PTPRS: variants seen among roughly 807,000 people sequenced by gnomAD.
PTPRS encodes receptor-type tyrosine-protein phosphatase S.
Under a neutral mutation model 215.3 loss-of-function variants are expected in PTPRS, and 63 were observed. The observed-to-expected ratio is 0.29, with a 90% confidence interval of 0.24 to 0.36. PTPRS has a LOEUF of 0.36. Ranked by LOEUF, PTPRS falls within the 10% of genes least tolerant of loss-of-function variation. PTPRS has a pLI of 1.00. For synonymous variants in PTPRS, 1,404 were observed against 1,191.4 expected, an observed-to-expected ratio of 1.18 and a Z score of -3.68; for missense variants, 2,258 against 2,825.8, an observed-to-expected ratio of 0.80 and a Z score of 4.56.
intron 2 of PTPRS, among the ~76,000 whole-genome samples, chr19:5,280,852 C>T (rs1005504669): frequency 3.3e-5 from 5 of 151,436 alleles, no homozygotes; most frequent in African/African-American, 7.3e-5. Context: ...AATGCAGTGG[C>T]GTAATCTTGG....
chr19:5,292,121 C>T (rs1306422754), intron 1 of PTPRS, among the ~76,000 whole-genome samples: 1 of 152,184 alleles, frequency 6.6e-6, no homozygotes, highest in Non-Finnish European at 1.5e-5. Context: ...TGTGCTCCCA[C>T]TGTGGGTCTG....
At chr19:5,227,967 G>T (rs756104914) in intron 16 of PTPRS, among the ~76,000 whole-genome samples, 1 of 152,050 alleles carries the variant, frequency 6.6e-6, no homozygotes, top group Non-Finnish European at 1.5e-5. Flanking sequence ...GGCATGCCTG[G>T]GAACTGTGGG....
intron 1 of PTPRS, among the ~76,000 whole-genome samples, chr19:5,317,879 T>C (rs2049920490): frequency 6.6e-6 from 1 of 151,736 alleles, no homozygotes; most frequent in Admixed American, 6.6e-5. Flanking sequence ...CCATTAAAAA[T>C]ATGAAAATTA....
chr19:5,310,726 G>C (rs1043726182), intron 1 of PTPRS, among the ~76,000 whole-genome samples: 2 of 151,134 alleles, frequency 1.3e-5, no homozygotes, highest in Non-Finnish European at 2.9e-5. Context: ...TGTTTTTTGA[G>C]GCAGGGTCTC....
intron 1 of PTPRS, among the ~76,000 whole-genome samples, chr19:5,319,683 C>T (rs1482391538): frequency 1.3e-5 from 2 of 151,992 alleles, no homozygotes; most frequent in Non-Finnish European, 1.5e-5. Context: ...CACAGGCCTC[C>T]TCGCTGTTCC....
rs761189756 is a variant in PTPRS at position 5,222,084 on chromosome 19, CCCTG to C, written c.3201+35_3201+38del. On this transcript the variant is annotated intron_variant, in intron 19 of 37. Transcript: ENST00000262963. ...AGCCCTGCTGAACTACAACCCCTGA[CCCTG>C]CCTGCCTGCCTGCCTGCTGGCTGGG... The C allele has an allele frequency of 4.6e-4, 671 of 1,466,378 alleles. 1 individual carries two copies. The highest frequency in any genetic ancestry group is 1.3e-3 in the South Asian group (110 of 84,142). 90.8% of individuals were successfully genotyped at this position (1,466,378 alleles called of 1,614,324 possible). A position where few individuals can be genotyped will look rare whatever the true frequency, so the allele number is the denominator to read the frequency against.
intron 1 of PTPRS, among the ~76,000 whole-genome samples, chr19:5,305,684 C>T (rs1180353428): frequency 6.7e-6 from 1 of 149,258 alleles, no homozygotes; most frequent in Non-Finnish European, 1.5e-5. Context: ...AGTGATGATC[C>T]TGCCACTGCA....
chr19:5,228,510 T>A (rs995108262), intron 16 of PTPRS, among the ~76,000 whole-genome samples: 2 of 151,838 alleles, frequency 1.3e-5, no homozygotes, highest in Non-Finnish European at 2.9e-5. Context: ...CACACCAGGC[T>A]GTTTCGTATT....
chr19:5,239,046 G>A lies in PTPRS; in HGVS notation c.1722C>T (p.Asp574=). The A allele has an allele frequency of 1.2e-6, 2 of 1,613,364 alleles. No homozygotes were observed. The highest frequency in any genetic ancestry group is 1.1e-5 in the South Asian group (1 of 91,010). ...CCTCCACCACGTAGGAAGTCGTCGGGTCGAAGGTCCTTCCCACCTGGGGGC... is the reference window on the plus strand; with the variant it reads ...CCTCCACCACGTAGGAAGTCGTCGGATCGAAGGTCCTTCCCACCTGGGGGC... The part of the protein sequence containing the change: ...DHGREVGRTF[D]PTTSYVVEDL... The change falls in exon 13 of 38, where the codon GAC becomes GAT. Residue 574 remains aspartate (D), a synonymous_variant. Coordinates refer to ENST00000262963, the MANE Select transcript of PTPRS (RefSeq NM_002850.4).
chr19:5,272,637 A>AAAAAAAAAAAAAAAAAG (rs2047018885), intron 4 of PTPRS, among the ~76,000 whole-genome samples: 1 of 133,880 alleles, frequency 7.5e-6, no homozygotes, highest in Admixed American at 8.0e-5. Flanking sequence ...AAAAAAAAAA[A>AAAAAAAAAAAAAAAAAG]GAATTGCACC....
At chr19:5,325,729 C>T (rs556880390) in intron 1 of PTPRS, among the ~76,000 whole-genome samples, 1 of 152,248 alleles carries the variant, frequency 6.6e-6, no homozygotes, top group Non-Finnish European at 1.5e-5. Flanking sequence ...GCCGAGGACA[C>T]CGGCCAATTC....
chr19:5,330,488 T>TGTGG (rs1466458857), intron 1 of PTPRS, among the ~76,000 whole-genome samples: 1 of 152,190 alleles, frequency 6.6e-6, no homozygotes, highest in Admixed American at 6.5e-5. Flanking sequence ...GTTTGGAGAA[T>TGTGG]GTGGGTTTGA....
In PTPRS at chr19:5,210,611, G is replaced by A. The variant is rs2302224; in HGVS notation, c.5362-17C>T. ...ACACTTCTCCTGTGGAGGAGATGGC[G>A]GCCGTGGTCAGCGCTGTCTGAGCCA... On this transcript the variant is annotated splice_polypyrimidine_tract_variant and intron_variant, in intron 34 of 37. Transcript: ENST00000262963. This position sits in a 1 kb window ranked among gnomAD's most constrained non-coding sequence, Gnocchi z 4.5. The A allele has an allele frequency of 0.26, 416,239 of 1,613,776 alleles. 55,393 individuals carry two copies. The highest frequency in any genetic ancestry group is 0.35 in the Admixed American group (20,971 of 59,978).
chr19:5,278,563 G>A (rs1160598721), intron 2 of PTPRS, among the ~76,000 whole-genome samples: 3 of 152,038 alleles, frequency 2.0e-5, no homozygotes, highest in African/African-American at 4.8e-5. Context: ...TGCAACCTCC[G>A]CCTCCTGGGT....
intron 9 of PTPRS, among the ~76,000 whole-genome samples, chr19:5,251,753 G>A (rs2045105290): frequency 6.6e-6 from 1 of 152,088 alleles, no homozygotes; most frequent in Non-Finnish European, 1.5e-5. Flanking sequence ...CGCCCCTGGA[G>A]TCCCCTCTCC....
At chr19:5,267,952 G>A (rs749171206) in intron 4 of PTPRS, among the ~76,000 whole-genome samples, 2 of 151,896 alleles carry the variant, frequency 1.3e-5, no homozygotes, top group Non-Finnish European at 2.9e-5. Flanking sequence ...GGTGGATCAC[G>A]AGGTCAGGAG....
Position 5,214,391 on chromosome 19 carries a change from T to C in PTPRS, c.4584A>G (p.Thr1528=). The change falls in exon 30 of 38, where the codon ACA becomes ACG. Residue 1528 remains threonine (T), a synonymous_variant. Coordinates refer to ENST00000262963, the MANE Select transcript of PTPRS (RefSeq NM_002850.4). The part of the protein sequence containing the change: ...VTLLDTIELA[T]FCVRTFSLHK... The stretch of plus-strand genomic sequence containing the variant: ...GCAGAGAGAATGTCCTGACGCAGAA[T>C]GTGGCCAGCTCGATGGTATCTAGCA... The C allele has an allele frequency of 1.2e-6, 2 of 1,614,168 alleles. No individual in the cohort carries two copies. The highest frequency in any genetic ancestry group is 1.7e-6 in the Non-Finnish European group (2 of 1,180,028).
intron 2 of PTPRS, among the ~76,000 whole-genome samples, chr19:5,285,505 C>A (rs1485075118): frequency 6.6e-6 from 1 of 152,238 alleles, no homozygotes; most frequent in African/African-American, 2.4e-5. Context: ...CTCCTATACA[C>A]CCACAAAACC....
chr19:5,314,739 G>A (rs923040378), intron 1 of PTPRS, among the ~76,000 whole-genome samples: 90 of 152,040 alleles, frequency 5.9e-4, no homozygotes, highest in African/African-American at 2.0e-3. Context: ...TCCACTTTGT[G>A]CCTGAGGACA....
Sources: gnomAD v4.1 joint callset for allele counts (sites outside exome capture counted in the v4.1 genomes callset) on GRCh38, gnomAD v4.1.1 for gene constraint, Gnocchi (gnomAD v3.1) non-coding constraint, MANE v1.5 for transcripts, NCBI Gene and HGNC (gene_info 2026-07-23, HGNC 2026-07-21) for gene names.